ARID2: variants seen among roughly 807,000 people sequenced by gnomAD.
ARID2 encodes AT-rich interactive domain-containing protein 2.
A neutral mutation model predicts 184.6 loss-of-function variants in ARID2; 32 were observed. That is an observed-to-expected ratio of 0.17 (90% CI 0.13 to 0.23). The LOEUF is 0.23. ARID2 is among the 10% of genes least tolerant of loss of function. The pLI, the probability that ARID2 is intolerant of heterozygous loss-of-function variation, is 1.00. For missense variants in ARID2, 1,696 were observed against 2,197.6 expected (o/e 0.77, Z 4.56); for synonymous variants, 836 against 772.6 (o/e 1.08, Z -1.36).
At chr12:45,794,446 A>G (rs2138058646) in intron 3 of ARID2, among the ~76,000 whole-genome samples, 2 of 152,334 alleles carry the variant, frequency 1.3e-5, no homozygotes, top group Admixed American at 1.3e-4. Flanking sequence ...TGCAATTTCT[A>G]ATAAATTTTG....
chr12:45,753,191 G>C (rs997962951), intron 3 of ARID2, among the ~76,000 whole-genome samples: 4 of 152,106 alleles, frequency 2.6e-5, no homozygotes, highest in Admixed American at 2.6e-4. Context: ...TGAACCCAGA[G>C]GCAGAGGTTG....
chr12:45,882,208 T>C (rs1160923771), intron 16 of ARID2: 1 of 152,260 alleles, frequency 6.6e-6, no homozygotes, highest in Non-Finnish European at 1.5e-5. Flanking sequence ...TTGATGACCT[T>C]CTTTCTTTTT....
intron 15 of ARID2, among the ~76,000 whole-genome samples, chr12:45,853,791 C>T (rs1285960803): frequency 2.6e-5 from 4 of 152,208 alleles, no homozygotes; most frequent in Non-Finnish European, 4.4e-5. Flanking sequence ...ACGGTGATGA[C>T]AGCAGATATA....
At chr12:45,848,669 A>T (rs947203166) in intron 12 of ARID2, among the ~76,000 whole-genome samples, 167 bp from the exon 13 acceptor site, 2 of 152,164 alleles carry the variant, frequency 1.3e-5, no homozygotes, top group Non-Finnish European at 2.9e-5. Context: ...TATTGATTTA[A>T]TCTAAAATTT....
At chr12:45,739,885 A>C (rs1941217188) in intron 3 of ARID2, among the ~76,000 whole-genome samples, 1 of 152,236 alleles carries the variant, frequency 6.6e-6, no homozygotes. Context: ...AATTTGTAAT[A>C]TTTTAAAAAT....
chr12:45,830,038 T>A (rs982689419), intron 6 of ARID2, among the ~76,000 whole-genome samples: 8 of 149,570 alleles, frequency 5.3e-5, no homozygotes, highest in South Asian at 2.1e-4. Context: ...TGAAGATTTT[T>A]AAAAATCTTT....
At chr12:45,808,881 C>T (rs1942651934) in intron 3 of ARID2, among the ~76,000 whole-genome samples, 1 of 152,156 alleles carries the variant, frequency 6.6e-6, no homozygotes. Flanking sequence ...TCTTGTACTT[C>T]AGCCACCTGA....
chr12:45,787,624 C>T (rs1942220397), intron 3 of ARID2, among the ~76,000 whole-genome samples: 1 of 152,092 alleles, frequency 6.6e-6, no homozygotes, highest in Non-Finnish European at 1.5e-5. Flanking sequence ...AAATATATCA[C>T]TGCTATAATG....
chr12:45,853,029 C>A, intron 15 of ARID2, 133 bp downstream of exon 15: 10 of 1,302,430 alleles, frequency 7.7e-6, no homozygotes, highest in Non-Finnish European at 9.8e-6. Context: ...CCAACCTGTC[C>A]TTTTCTTTTT....
chr12:45,793,871 T>A (rs1333644098), intron 3 of ARID2, among the ~76,000 whole-genome samples: 1 of 152,138 alleles, frequency 6.6e-6, no homozygotes, highest in Non-Finnish European at 1.5e-5. Context: ...TTTTATTTTT[T>A]CTATTCTTTC....
intron 11 of ARID2, among the ~76,000 whole-genome samples, chr12:45,842,447 T>G (rs1001104255): frequency 3.3e-5 from 5 of 151,810 alleles, no homozygotes; most frequent in African/African-American, 1.2e-4. Flanking sequence ...GTAAATACAT[T>G]GTAAATTTTT....
At chr12:45,795,195 T>C (rs538693900) in intron 3 of ARID2, among the ~76,000 whole-genome samples, 15 of 152,286 alleles carry the variant, frequency 9.8e-5, no homozygotes, top group African/African-American at 3.6e-4. Flanking sequence ...TTATATCTTT[T>C]GCACCCTCCA....
chr12:45,858,960 C>T (rs1398748140), intron 15 of ARID2, among the ~76,000 whole-genome samples: 1 of 152,208 alleles, frequency 6.6e-6, no homozygotes, highest in Non-Finnish European at 1.5e-5. Context: ...CTTGACTTCC[C>T]ATTTCTGACA....
intron 16 of ARID2, among the ~76,000 whole-genome samples, chr12:45,876,341 G>A (rs549913317): frequency 3.3e-5 from 5 of 151,966 alleles, no homozygotes; most frequent in Admixed American, 1.3e-4. Context: ...ACGTGAGGTT[G>A]GGAGTTCAAG....
intron 15 of ARID2, among the ~76,000 whole-genome samples, chr12:45,859,181 C>A (rs1439884198): frequency 1.3e-5 from 2 of 152,190 alleles, no homozygotes; most frequent in Non-Finnish European, 2.9e-5. Flanking sequence ...CCACATAATA[C>A]AACAATAGTC....
At chr12:45,776,366 C>T (rs574487061) in intron 3 of ARID2, 3 of 152,478 alleles carry the variant, frequency 2.0e-5, no homozygotes, top group South Asian at 2.1e-4. Flanking sequence ...CAAACTACCA[C>T]ATTTTAAACT....
At chr12:45,900,391 C>T (rs954886105) in intron 20 of ARID2, among the ~76,000 whole-genome samples, 56 of 152,230 alleles carry the variant, frequency 3.7e-4, no homozygotes, top group African/African-American at 1.3e-3. Flanking sequence ...CCATAAAAAG[C>T]ATGAGTGCCA....
Position 45,838,776 on chromosome 12 carries a change from T to G in ARID2, c.1331-553T>G, listed in dbSNP as rs149036254. ...CAAGATCCTTTCTCAAAAAAAAATA[T>G]ATAGATAGATAGATAGATATAGATA... is the stretch of plus-strand genomic sequence containing the variant. On this transcript the variant is annotated intron_variant, in intron 10 of 20. Transcript: ENST00000334344. Among the ~76,000 whole-genome samples the G allele has an allele frequency of 4.7e-3, 712 of 151,388 alleles. 9 individuals carry two copies. Among genetic ancestry groups the G allele is most frequent in the African/African-American group, 0.016 (664 of 41,240 alleles).
chr12:45,777,575 A>T (rs1427375420), intron 3 of ARID2, among the ~76,000 whole-genome samples: 1 of 151,922 alleles, frequency 6.6e-6, no homozygotes, highest in Non-Finnish European at 1.5e-5. Flanking sequence ...TTCTCCGTGT[A>T]AGTCAAATTT....
Sources: gnomAD v4.1 joint callset for allele counts (sites outside exome capture counted in the v4.1 genomes callset) on GRCh38, gnomAD v4.1.1 for gene constraint, MANE v1.5 for transcripts, NCBI Gene and HGNC (gene_info 2026-07-23, HGNC 2026-07-21) for gene names.